Variants in ZNF383 observed in about 807,000 individuals in gnomAD.
The protein encoded by ZNF383 is zinc finger protein 383.
Under a neutral mutation model 44.2 loss-of-function variants are expected in ZNF383, and 32 were observed. That is an observed-to-expected ratio of 0.72 (90% confidence interval 0.55 to 0.97). The LOEUF is 0.97. Among genes scored for constraint, ZNF383 ranks in the 50% least tolerant of loss-of-function variants. ZNF383 has a pLI of 0.00. For missense variants in ZNF383, 487 were observed against 562.5 expected, an observed-to-expected ratio of 0.87 and a Z score of 1.36; for synonymous variants, 155 against 186.2, an observed-to-expected ratio of 0.83 and a Z score of 1.36.
intron 1 of ZNF383, 171 bp downstream of exon 1, chr19:37,218,445 CTGTG>C (rs1972774660): frequency 6.5e-6 from 1 of 152,962 alleles, no homozygotes; most frequent in African/African-American, 2.4e-5. Context: ...CTGTGCCTCT[CTGTG>C]TGCGCGGGTG....
intron 3 of ZNF383, among the ~76,000 whole-genome samples, chr19:37,233,142 A>G (rs548174292): frequency 7.1e-4 from 108 of 151,848 alleles, no homozygotes; most frequent in South Asian, 2.9e-3. Context: ...TTATTTATTT[A>G]TTTATTGAGA....
chr19:37,229,192 T>G (rs915331949), intron 2 of ZNF383, among the ~76,000 whole-genome samples: 2 of 149,636 alleles, frequency 1.3e-5, no homozygotes, highest in African/African-American at 2.5e-5. Flanking sequence ...TTTGCTCTTG[T>G]TGCCCAGGCT....
At position 37,248,316 on chromosome 19, in the gene ZNF383, G is replaced by T. The variant is rs1974439211; in HGVS notation, c.*4652G>T. ...TATTTTTAAAATTTGTCATAATCCT[G>T]ATGTTACAACCTACTAGAACCCAAA... On this transcript the variant is annotated 3_prime_UTR_variant, in exon 6 of 6. Transcript: ENST00000684119. 6.6e-6 allele frequency: 1 copy of T among 152,100 alleles called. No homozygotes were observed. Among genetic ancestry groups the T allele is most frequent in the Non-Finnish European group, 1.5e-5 (1 of 68,026 alleles). 9.4% of individuals were successfully genotyped at this position (152,100 alleles called of 1,614,324 possible). A position where few individuals can be genotyped will look rare whatever the true frequency, so the allele number is the denominator to read the frequency against.
Position 37,243,102 on chromosome 19 carries a change from A to C in ZNF383, c.866A>C (p.Lys289Thr), listed in dbSNP as rs1748457832. 6.2e-7 allele frequency: 1 copy of C among 1,614,014 alleles called. No homozygotes were observed. Among genetic ancestry groups the C allele is most frequent in the African/African-American group, 1.3e-5 (1 of 74,928 alleles). The change falls in exon 6 of 6, where the codon AAA (lysine) becomes ACA (threonine). Residue 289 changes from lysine (K) to threonine (T), a missense_variant. Lys to Thr is a moderately conservative substitution (Grantham distance 78). Coordinates refer to ENST00000684119, the MANE Select transcript of ZNF383 (RefSeq NM_001387601.1). ...CCTTATGAATGTAAAGTATGTGGGA[A>C]AGCCTTTACTAAGAGCTCACAACTT... ...EKPYECKVCG[K>T]AFTKSSQLFQ... is the part of the protein sequence containing the mutation.
intron 1 of ZNF383, 99 bp from the exon 2 acceptor site, chr19:37,224,719 A>G (rs1599781584): frequency 2.1e-5 from 3 of 146,068 alleles, no homozygotes; most frequent in South Asian, 4.3e-4. Flanking sequence ...ATGCCCAGCT[A>G]GCTTTTTTTT....
chr19:37,245,405 A>G lies in ZNF383; in HGVS notation c.*1741A>G, dbSNP rs1200574391. On this transcript the variant is annotated 3_prime_UTR_variant, in exon 6 of 6. Transcript: ENST00000684119. ...GTTCCCTTACATCAATCCTAATCCC[A>G]ATGCCATACTAGAAAGTAACACTGT... is the stretch of plus-strand genomic sequence containing the variant. 1 of 152,094 alleles carries G rather than the reference A, an allele frequency of 6.6e-6. No individual in the cohort carries two copies. Among genetic ancestry groups the G allele is most frequent in the East Asian group, 1.9e-4 (1 of 5,204 alleles). 9.4% of individuals were successfully genotyped at this position (152,094 alleles called of 1,614,324 possible). A position where few individuals can be genotyped will look rare whatever the true frequency, so the allele number is the denominator to read the frequency against.
intron 3 of ZNF383, among the ~76,000 whole-genome samples, chr19:37,233,844 C>A (rs1973630182): frequency 2.0e-5 from 3 of 151,946 alleles, no homozygotes; most frequent in Admixed American, 2.0e-4. Context: ...AAATACACAT[C>A]TTTTTATTTT....
At chr19:37,234,527 C>G (rs1348266420) in intron 3 of ZNF383, among the ~76,000 whole-genome samples, 1 of 151,998 alleles carries the variant, frequency 6.6e-6, no homozygotes, top group South Asian at 2.1e-4. Flanking sequence ...TAGCTGAGGA[C>G]TACAGGCGCC....
At chr19:37,220,572 TTG>T (rs112664666) in intron 1 of ZNF383, among the ~76,000 whole-genome samples, 1,537 of 59,300 alleles carry the variant, frequency 0.026, 34 homozygotes, top group African/African-American at 0.16. Flanking sequence ...TTTTTTTTTG[TTG>T]TTGTTTAATC....
At chr19:37,235,703 A>G in intron 4 of ZNF383, 28 bp downstream of exon 4, 1 of 1,561,832 alleles carries the variant, frequency 6.4e-7, no homozygotes. Context: ...AGTGATTCCC[A>G]GTTCTCCTCT....
intron 3 of ZNF383, among the ~76,000 whole-genome samples, chr19:37,234,079 G>A (rs191812943): frequency 9.6e-4 from 146 of 152,012 alleles, no homozygotes; most frequent in African/African-American, 3.2e-3. Flanking sequence ...GGTCAGGCTG[G>A]TCTTGAACTC....
chr19:37,237,384 A>AT (rs1266828247), intron 5 of ZNF383, among the ~76,000 whole-genome samples: 1 of 152,144 alleles, frequency 6.6e-6, no homozygotes, highest in Admixed American at 6.6e-5. Flanking sequence ...AGAAAAAAAA[A>AT]GGATCTGTGC....
rs757636662 is a variant in ZNF383 at position 37,243,081 on chromosome 19, A to T, written c.845A>T (p.Tyr282Phe). Residue 282 changes from tyrosine (Y) to phenylalanine (F), a missense_variant, in exon 6 of 6, where the codon TAT (tyrosine) becomes TTT (phenylalanine). Tyr to Phe is a conservative substitution (Grantham distance 22). Transcript: ENST00000684119. ...CGAATTCACACTGGTGAAAAACCTT[A>T]TGAATGTAAAGTATGTGGGAAAGCC... ...HQRIHTGEKPYECKVCGKAFT... is the reference protein window; with the variant it reads ...HQRIHTGEKPFECKVCGKAFT... The T allele has an allele frequency of 3.1e-6, 5 of 1,614,012 alleles. No individual in the cohort carries two copies. In the African/African-American group the frequency reaches 6.7e-5, roughly 22 times the overall value.
At chr19:37,234,682 G>A (rs147304256) in intron 3 of ZNF383, among the ~76,000 whole-genome samples, 27 of 152,216 alleles carry the variant, frequency 1.8e-4, no homozygotes, top group Non-Finnish European at 2.6e-4. Flanking sequence ...GAGCCACCAC[G>A]CCCAGCCAAC....
Position 37,242,828 on chromosome 19 carries a change from T to G in ZNF383, c.592T>G (p.Tyr198Asp). 6.2e-7 allele frequency: 1 copy of G among 1,614,134 alleles called. No homozygotes were observed. Among genetic ancestry groups the G allele is most frequent in the South Asian group, 1.1e-5 (1 of 91,074 alleles). Residue 198 changes from tyrosine (Y) to aspartate (D), a missense_variant, in exon 6 of 6, where the codon TAT becomes GAT. By Grantham distance (160) the Tyr-to-Asp change is radical. Coordinates refer to ENST00000684119, the MANE Select transcript of ZNF383 (RefSeq NM_001387601.1). ...HQRIHIGEKS[Y>D]ECKECGKFFS... ...GAGAATTCATATTGGTGAAAAATCT[T>G]ATGAATGTAAAGAGTGTGGGAAATT...
At chr19:37,242,055 T>TATAGATACTATACTATATATAGTATAG (rs1555784686) in intron 5 of ZNF383, among the ~76,000 whole-genome samples, 5 of 66,796 alleles carry the variant, frequency 7.5e-5, no homozygotes, top group East Asian at 4.2e-4. Context: ...AGATACTATA[T>TATAGATACTATACTATATATAGTATAG]ATACTATATA....
intron 3 of ZNF383, among the ~76,000 whole-genome samples, chr19:37,231,482 C>T (rs1973484360): frequency 6.6e-6 from 1 of 152,142 alleles, no homozygotes; most frequent in African/African-American, 2.4e-5. Flanking sequence ...CAAGATCACA[C>T]CACTGTACTC....
chr19:37,227,110 C>CTT (rs35250551), intron 2 of ZNF383, among the ~76,000 whole-genome samples: 14,186 of 91,768 alleles, frequency 0.15, 1,870 homozygotes, highest in African/African-American at 0.29. Flanking sequence ...CCCAGCCAGG[C>CTT]TTTTTTTTTT....
In ZNF383 at chr19:37,233,120, G is replaced by GTATT. The variant is rs56893941; in HGVS notation, c.10-2404_10-2401dup. 9.3e-3 allele frequency among the ~76,000 whole-genome samples: 1,398 copies of GTATT among 151,036 alleles called. 11 individuals are homozygous for GTATT. The highest frequency in any genetic ancestry group is 0.03 in the South Asian group (141 of 4,764). ...TTTGTTTGTTTGTTTATTTGTTTTTGTATTTATTTATTTATTTATTTATTT... is the reference window on the plus strand; with the variant it reads ...TTTGTTTGTTTGTTTATTTGTTTTTGTATTTATTTATTTATTTATTTATTTATTT... On this transcript the variant is annotated intron_variant, in intron 3 of 5. Coordinates refer to ENST00000684119, the MANE Select transcript of ZNF383 (RefSeq NM_001387601.1).
Sources: gnomAD v4.1 joint callset for allele counts (sites outside exome capture counted in the v4.1 genomes callset) on GRCh38, gnomAD v4.1.1 for gene constraint, MANE v1.5 for transcripts, NCBI Gene and HGNC (gene_info 2026-07-23, HGNC 2026-07-21) for gene names.